Variants in SUOX observed in about 807,000 individuals in gnomAD.
SUOX encodes the protein sulfite oxidase.
SUOX carries 39 observed loss-of-function variants against 41.9 expected under a neutral mutation model. The observed-to-expected ratio is 0.93, with a 90% CI of 0.72 to 1.21. SUOX has a LOEUF of 1.21. Ranked by LOEUF, SUOX falls within the 50% of genes most tolerant of loss-of-function variation. The pLI is 0.00. For missense variants in SUOX, 633 were observed against 689.5 expected, an observed-to-expected ratio of 0.92 and a Z score of 0.92; for synonymous variants, 220 against 268.4, an observed-to-expected ratio of 0.82 and a Z score of 1.76.
chr12:56,005,336 C>A lies in SUOX; in HGVS notation c.*309C>A. ...CCACCTCCATTTCTAATGCCTACTG[C>A]CATCAAGGCCTTGTTTTGCTTTTCT... On this transcript the variant is annotated 3_prime_UTR_variant, in exon 5 of 5. Transcript: ENST00000266971. The A allele has an allele frequency of 1.7e-6, 1 of 590,254 alleles. No individual in the cohort carries two copies. The highest frequency in any genetic ancestry group is 3.0e-6 in the Non-Finnish European group (1 of 332,500). 36.6% of individuals were successfully genotyped at this position (590,254 alleles called of 1,614,324 possible). A position where few individuals can be genotyped will look rare whatever the true frequency, so the allele number is the denominator to read the frequency against.
rs1183804855 is a variant in SUOX at position 56,001,622 on chromosome 12, T to C, written c.-10-590T>C. 12 of 170,916 alleles carry C rather than the reference T, an allele frequency of 7.0e-5. 1 individual carries two copies. Among genetic ancestry groups the C allele is most frequent in the Admixed American group, 6.6e-4 (12 of 18,184 alleles). The allele number at this position is 170,916 out of a possible 1,614,324, so 10.6% of individuals were successfully genotyped here. On this transcript the variant is annotated intron_variant, in intron 2 of 4. Transcript: ENST00000266971. ...CTTCATGTTAGCTCTGCTAGGCAGA[T>C]GTCATTTCAGAGATGAGGAAGCAAG...
At position 56,005,060 on chromosome 12, in the gene SUOX, C is replaced by T. The variant is rs1890696878; in HGVS notation, c.*33C>T. ...AAGGAGCCACCTCCACCCCTTTCCC[C>T]ACCCATTAGCCTCACTGCTTCAGAA... On this transcript the variant is annotated 3_prime_UTR_variant, in exon 5 of 5. Transcript: ENST00000266971. 6.3e-7 allele frequency: 1 copy of T among 1,597,804 alleles called. No individual in the cohort carries two copies. Among genetic ancestry groups the T allele is most frequent in the African/African-American group, 1.3e-5 (1 of 74,778 alleles).
intron 4 of SUOX, 101 bp downstream of exon 4, chr12:56,002,821 G>A (rs773920995): frequency 6.9e-7 from 1 of 1,446,820 alleles, no homozygotes; most frequent in Non-Finnish European, 9.6e-7. Flanking sequence ...GGTCACTTGA[G>A]GTTAGGAGTT....
chr12:56,002,925 G>A (rs549797270), intron 4 of SUOX: 16 of 550,836 alleles, frequency 2.9e-5, no homozygotes, highest in African/African-American at 2.5e-4. Flanking sequence ...TACTTGAGAG[G>A]CTGAGACACA....
At chr12:56,001,118 C>CTTTTTTTTTTT (rs1234069085) in intron 2 of SUOX, among the ~76,000 whole-genome samples, 1 of 51,252 alleles carries the variant, frequency 2.0e-5, no homozygotes. Flanking sequence ...GTTAATCTCT[C>CTTTTTTTTTTT]TTTTTTTTTT....
intron 2 of SUOX, chr12:55,999,456 G>A (rs974829951): frequency 8.9e-5 from 15 of 168,638 alleles, no homozygotes; most frequent in East Asian, 3.5e-4. Context: ...GCGGACCCTC[G>A]CAGTGAGTGT....
In SUOX at chr12:56,004,172, T is replaced by C; in HGVS notation, c.783T>C (p.Thr261=). The C allele has an allele frequency of 6.2e-7, 1 of 1,614,152 alleles. No individual in the cohort carries two copies. The highest frequency in any genetic ancestry group is 8.5e-7 in the Non-Finnish European group (1 of 1,180,024). Residue 261 remains threonine (T), a synonymous_variant, in exon 5 of 5, where the codon ACT becomes ACC. Coordinates refer to ENST00000266971, the MANE Select transcript of SUOX (RefSeq NM_001032386.2). The surrounding 1 kb of genome is among the most constrained non-coding windows in gnomAD (Gnocchi z 4.5). The stretch of plus-strand genomic sequence containing the variant: ...TTCCCAGGTACGAGATCACAGTCAC[T>C]CTGCAGTGTGCCGGCAACCGACGCT... ...HNFPRYEITV[T]LQCAGNRRSE...
intron 2 of SUOX, chr12:56,001,990 C>A: frequency 1.4e-6 from 2 of 1,423,734 alleles, no homozygotes; most frequent in South Asian, 2.9e-5. Flanking sequence ...CTACCCCATT[C>A]CCCACCCGCA....
At chr12:56,001,082 G>A (rs1211515642) in intron 2 of SUOX, among the ~76,000 whole-genome samples, 1 of 149,098 alleles carries the variant, frequency 6.7e-6, no homozygotes, top group Non-Finnish European at 1.5e-5. Flanking sequence ...ACTGCGCCGG[G>A]CTAATTTTTC....
intron 2 of SUOX, among the ~76,000 whole-genome samples, chr12:56,000,445 G>C (rs940766669): frequency 6.6e-6 from 1 of 152,186 alleles, no homozygotes; most frequent in African/African-American, 2.4e-5. Context: ...CGTGTGCGGG[G>C]CCTGCCAAGC....
rs1454104008 is a variant in SUOX at position 56,005,062 on chromosome 12, C to A, written c.*35C>A. ...GGAGCCACCTCCACCCCTTTCCCCA[C>A]CCATTAGCCTCACTGCTTCAGAAAA... On this transcript the variant is annotated 3_prime_UTR_variant, in exon 5 of 5. Coordinates refer to ENST00000266971, the MANE Select transcript of SUOX (RefSeq NM_001032386.2). The A allele has an allele frequency of 5.6e-6, 9 of 1,599,654 alleles. No individual in the cohort carries two copies. The highest frequency in any genetic ancestry group is 7.7e-6 in the Non-Finnish European group (9 of 1,176,464).
Position 56,004,643 on chromosome 12 carries a change from A to G in SUOX, c.1254A>G (p.Pro418=). 1.2e-6 allele frequency: 2 copies of G among 1,613,920 alleles called. No homozygotes were observed. Among genetic ancestry groups the G allele is most frequent in the African/African-American group, 1.3e-5 (1 of 75,034 alleles). ...AGACTGTAGATTTTGACTCTGCTCC[A>G]TCCATTCAGGAACTTCCTGTCCAGT... ...DWETVDFDSA[P]SIQELPVQSA... Residue 418 remains proline (P), a synonymous_variant, in exon 5 of 5, where the codon CCA becomes CCG. Coordinates refer to ENST00000266971, the MANE Select transcript of SUOX (RefSeq NM_001032386.2). The surrounding 1 kb of genome is among the most constrained non-coding windows in gnomAD (Gnocchi z 4.5).
At chr12:55,998,461 G>C (rs925169174) in intron 2 of SUOX, among the ~76,000 whole-genome samples, 5 of 152,020 alleles carry the variant, frequency 3.3e-5, no homozygotes, top group African/African-American at 1.2e-4. Flanking sequence ...GCAGGAGGAT[G>C]GCTTGAGCCC....
rs931577041 is a variant in SUOX at position 56,004,316 on chromosome 12, CTG to C, written c.930_931del (p.Cys310Ter). The part of the protein sequence containing the change: ...DVLAQAGHQL[C>X]ETEAHVCFEG... ...TGTTAGCCCAGGCTGGCCACCAACT[CTG>C]TGAAACTGAGGCCCACGTCTGCTTT... On this transcript the variant is annotated frameshift_variant, in exon 5 of 5. Transcript: ENST00000266971. LOFTEE classifies it high-confidence loss of function. The surrounding 1 kb of genome is among the most constrained non-coding windows in gnomAD (Gnocchi z 4.5). 3 of 1,614,126 alleles carry C rather than the reference CTG, an allele frequency of 1.9e-6. No individual in the cohort carries two copies. Among genetic ancestry groups the C allele is most frequent in the Admixed American group, 1.7e-5 (1 of 60,032 alleles).
At position 56,002,265 on chromosome 12, in the gene SUOX, C is replaced by A; in HGVS notation, c.44C>A (p.Ala15Asp). Residue 15 changes from alanine to aspartate, a missense_variant, in exon 3 of 5, where the codon GCC becomes GAC. By Grantham distance (126) the Ala-to-Asp change is moderately radical (BLOSUM62 -2). Coordinates refer to ENST00000266971, the MANE Select transcript of SUOX (RefSeq NM_001032386.2). The stretch of plus-strand genomic sequence containing the variant: ...GCTGTGGTCCTCAGGCTCCAACAGG[C>A]CTGCAGGTAGGCCAGCCCATCCCAG... Reference protein sequence around the residue: ...HRAVVLRLQQACRLKSIPSRI... With the variant: ...HRAVVLRLQQDCRLKSIPSRI... 1 of 1,611,892 alleles carries A rather than the reference C, an allele frequency of 6.2e-7. No individual in the cohort carries two copies. The highest frequency in any genetic ancestry group is 8.5e-7 in the Non-Finnish European group (1 of 1,180,034).
chr12:55,999,586 T>TC (rs1484056292), intron 2 of SUOX: 2 of 152,716 alleles, frequency 1.3e-5, no homozygotes, highest in African/African-American at 4.8e-5. Flanking sequence ...CTGCAGACCT[T>TC]CACAGTGAAT....
intron 2 of SUOX, among the ~76,000 whole-genome samples, chr12:55,998,421 C>A (rs573280289): frequency 6.6e-6 from 1 of 151,732 alleles, no homozygotes; most frequent in South Asian, 2.1e-4. Flanking sequence ...GTGGCACACG[C>A]CTGTGGTCCC....
chr12:56,002,912 A>C, intron 4 of SUOX, 192 bp downstream of exon 4: 2 of 578,102 alleles, frequency 3.5e-6, no homozygotes, highest in Non-Finnish European at 6.2e-6. Context: ...CTGTAATCTC[A>C]GCTACTTGAG....
chr12:56,002,829 G>A (rs1890585263), intron 4 of SUOX, 109 bp downstream of exon 4: 1 of 1,320,552 alleles, frequency 7.6e-7, no homozygotes, highest in East Asian at 2.4e-5. Flanking sequence ...GAGGTTAGGA[G>A]TTTGAGACCA....
Sources: allele counts gnomAD v4.1 joint callset (sites outside exome capture counted in the v4.1 genomes callset), GRCh38; gene constraint gnomAD v4.1.1; non-coding constraint Gnocchi (gnomAD v3.1); transcripts MANE v1.5; gene names NCBI Gene and HGNC (gene_info 2026-07-23, HGNC 2026-07-21).